The following NUMB variants were observed in gnomAD, a reference collection of about 807,000 sequenced individuals.
NUMB encodes the protein NUMB endocytic adaptor protein.
Under a neutral mutation model 59.7 loss-of-function variants are expected in NUMB, and 29 were observed. The observed-to-expected ratio is 0.49, with a 90% CI of 0.36 to 0.66. The LOEUF is 0.66. Ranked by LOEUF, NUMB falls within the 30% of genes least tolerant of loss-of-function variation. The pLI is 0.00. For missense variants in NUMB, 723 were observed against 822.0 expected (o/e 0.88, Z 1.47); for synonymous variants, 288 against 288.2 (o/e 1.00, Z 0.01).
At position 73,423,546 on chromosome 14, in the gene NUMB, C is replaced by G. The variant is rs181373251; in HGVS notation, c.-232-13478G>C. On this transcript the variant is annotated intron_variant, in intron 1 of 12. Coordinates refer to ENST00000555238, the MANE Select transcript of NUMB (RefSeq NM_001005743.2). ...AATCCCAGCTCTTGGGAGGCTGAGGCAGGAGAACGGCTTGAACCCAGGAGG... is the reference window on the plus strand; with the variant it reads ...AATCCCAGCTCTTGGGAGGCTGAGGGAGGAGAACGGCTTGAACCCAGGAGG... 3.9e-4 allele frequency among the ~76,000 whole-genome samples: 60 copies of G among 151,990 alleles called. 2 individuals carry two copies. In the East Asian group the frequency reaches 0.011, roughly 27 times the overall value.
chr14:73,309,586 G>C (rs1280321791), intron 6 of NUMB, among the ~76,000 whole-genome samples: 1 of 152,004 alleles, frequency 6.6e-6, no homozygotes, highest in Non-Finnish European at 1.5e-5. Context: ...TTGGGGGCAA[G>C]GGGACAAATA....
intron 2 of NUMB, among the ~76,000 whole-genome samples, chr14:73,400,507 C>A (rs1896362206): frequency 6.6e-6 from 1 of 152,158 alleles, no homozygotes; most frequent in Non-Finnish European, 1.5e-5. Flanking sequence ...CCTTTCCTGA[C>A]ATATACCTCA....
chr14:73,385,792 G>T (rs947637948), intron 2 of NUMB, among the ~76,000 whole-genome samples: 1 of 152,062 alleles, frequency 6.6e-6, no homozygotes, highest in African/African-American at 2.4e-5. Context: ...ATGAGCCATC[G>T]TGCCTGCCCA....
chr14:73,396,321 G>GGTGTGTGTGT (rs200195176), intron 2 of NUMB, among the ~76,000 whole-genome samples: 14 of 144,220 alleles, frequency 9.7e-5, no homozygotes, highest in African/African-American at 2.8e-4. Flanking sequence ...AATTATTAGG[G>GGTGTGTGTGT]GTGTGTGTGT....
In NUMB at chr14:73,418,511, C is replaced by G. The variant is rs192459555; in HGVS notation, c.-232-8443G>C. Among the ~76,000 whole-genome samples the G allele has an allele frequency of 5.3e-5, 8 of 152,292 alleles. No homozygotes were observed. In the East Asian group the frequency reaches 1.5e-3, roughly 29 times the overall value. ...ATTTGGCCAGGCATGGTGGCTCACA[C>G]CTGTAATCCCAGCGCTTTGGGAGGC... is the stretch of plus-strand genomic sequence containing the variant. On this transcript the variant is annotated intron_variant, in intron 1 of 12. Transcript: ENST00000555238.
chr14:73,282,123 A>G (rs890476499), intron 11 of NUMB: 7 of 441,046 alleles, frequency 1.6e-5, no homozygotes, highest in Non-Finnish European at 2.8e-5. Flanking sequence ...AATTCCTTAT[A>G]GAATGGGGTG....
At chr14:73,408,526 G>A (rs1386093679) in intron 2 of NUMB, among the ~76,000 whole-genome samples, 2 of 151,994 alleles carry the variant, frequency 1.3e-5, no homozygotes, top group African/African-American at 2.4e-5. Flanking sequence ...TTTTCATCTT[G>A]TTTATAAACT....
intron 5 of NUMB, among the ~76,000 whole-genome samples, chr14:73,317,091 A>T (rs982546206): frequency 1.9e-4 from 29 of 152,196 alleles, no homozygotes; most frequent in African/African-American, 7.0e-4. Flanking sequence ...GTGCTGATCA[A>T]TTTCACAACA....
intron 4 of NUMB, among the ~76,000 whole-genome samples, chr14:73,339,809 T>C (rs768898856): frequency 6.0e-4 from 92 of 152,284 alleles, no homozygotes; most frequent in Non-Finnish European, 1.1e-3. Flanking sequence ...GCAAAGGCTA[T>C]TTATTCAGAG....
At chr14:73,423,238 T>C (rs1016030799) in intron 1 of NUMB, among the ~76,000 whole-genome samples, 1 of 151,544 alleles carries the variant, frequency 6.6e-6, no homozygotes, top group Non-Finnish European at 1.5e-5. Flanking sequence ...GGTGGCTCAC[T>C]ACTGTAATCC....
At chr14:73,419,993 G>A (rs1897290943) in intron 1 of NUMB, among the ~76,000 whole-genome samples, 1 of 152,176 alleles carries the variant, frequency 6.6e-6, no homozygotes, top group African/African-American at 2.4e-5. Flanking sequence ...AGCCTACCAA[G>A]TAGCTGGGAC....
intron 2 of NUMB, among the ~76,000 whole-genome samples, chr14:73,405,429 CTT>C (rs1482134688): frequency 3.0e-5 from 4 of 132,214 alleles, no homozygotes; most frequent in Admixed American, 8.5e-5. Flanking sequence ...GTATTTTTTT[CTT>C]TCTCTTTTTT....
At chr14:73,346,211 G>A (rs1892910952) in intron 4 of NUMB, among the ~76,000 whole-genome samples, 1 of 152,074 alleles carries the variant, frequency 6.6e-6, no homozygotes, top group South Asian at 2.1e-4. Flanking sequence ...TGGGTGCGGT[G>A]GCTCATGCCT....
intron 3 of NUMB, among the ~76,000 whole-genome samples, chr14:73,363,412 C>T (rs1269457722): frequency 5.9e-5 from 9 of 152,152 alleles, no homozygotes; most frequent in African/African-American, 1.9e-4. Flanking sequence ...TAGAATACTG[C>T]ATACCTGCCC....
intron 3 of NUMB, among the ~76,000 whole-genome samples, chr14:73,364,341 T>C (rs1191078401): frequency 6.6e-6 from 1 of 151,854 alleles, no homozygotes; most frequent in Admixed American, 6.6e-5. Flanking sequence ...CCATCTCTAC[T>C]AAAAGTACAA....
intron 1 of NUMB, among the ~76,000 whole-genome samples, chr14:73,451,569 T>C (rs1883977441): frequency 6.6e-6 from 1 of 152,104 alleles, no homozygotes. Context: ...GAGCCGAGAT[T>C]GTGCCACTGC....
rs1466617180 is a variant in NUMB at position 73,284,313 on chromosome 14, T to C, written c.717A>G (p.Pro239=). The C allele has an allele frequency of 6.2e-7, 1 of 1,614,106 alleles. No homozygotes were observed. Among genetic ancestry groups the C allele is most frequent in the African/African-American group, 1.3e-5 (1 of 75,032 alleles). ...CAGAAGTAGGAGAGGTGGGAGAGGATGGGGATGGGGCAGTGTTGCCAGGGG... is the reference window on the plus strand; with the variant it reads ...CAGAAGTAGGAGAGGTGGGAGAGGACGGGGATGGGGCAGTGTTGCCAGGGG... ...SVAPGNTAPS[P]SSPTSPTSDA... is the part of the protein sequence containing the mutation. Residue 239 remains proline, a synonymous_variant, in exon 10 of 13, where the codon CCA becomes CCG. Transcript: ENST00000555238.
chr14:73,345,923 AAAAC>A (rs920645819), intron 4 of NUMB, among the ~76,000 whole-genome samples: 17 of 152,096 alleles, frequency 1.1e-4, no homozygotes, highest in Non-Finnish European at 2.4e-4. Flanking sequence ...AAAAACCAAA[AAAAC>A]AAAAAAATTT....
At chr14:73,286,493 C>T (rs1169776349) in intron 9 of NUMB, 2 of 152,852 alleles carry the variant, frequency 1.3e-5, no homozygotes, top group African/African-American at 4.8e-5. Context: ...TGCCAACTAA[C>T]TTGAATGTTT....
Sources: allele counts gnomAD v4.1 joint callset (sites outside exome capture counted in the v4.1 genomes callset), GRCh38; gene constraint gnomAD v4.1.1; transcripts MANE v1.5; gene names NCBI Gene and HGNC (gene_info 2026-07-23, HGNC 2026-07-21).